The following SIK3 variants were observed in gnomAD, a reference collection of about 807,000 sequenced individuals.
The protein encoded by SIK3 is serine/threonine-protein kinase SIK3.
A neutral mutation model predicts 144.2 loss-of-function variants in SIK3; 28 were observed. The observed-to-expected ratio is 0.19, with a 90% CI of 0.14 to 0.27. The LOEUF (loss-of-function observed/expected upper bound fraction) is 0.27. Among genes scored for constraint, SIK3 ranks in the 10% least tolerant of loss-of-function variants. The pLI, the probability that SIK3 is intolerant of heterozygous loss-of-function variation, is 1.00. For missense variants in SIK3, 1,319 were observed against 1,776.0 expected (o/e 0.74, Z 4.62); for synonymous variants, 686 against 676.3 (o/e 1.01, Z -0.22).
At chr11:117,078,664 A>G (rs1954657549) in intron 1 of SIK3, among the ~76,000 whole-genome samples, 1 of 152,138 alleles carries the variant, frequency 6.6e-6, no homozygotes, top group African/African-American at 2.4e-5. Flanking sequence ...TGGCCTCCCA[A>G]AGTGCTGGGA....
In SIK3 at chr11:117,023,624, ATAT is replaced by A. The variant is rs1565568324; in HGVS notation, c.274-66563_274-66561del. Reference sequence around the variant, plus strand: ...AACAAACAAACAAAAAAAAAAAAATATATATATATATATATATATATTGCACAC... The same window carrying A: ...AACAAACAAACAAAAAAAAAAAAATAATATATATATATATATATTGCACAC... On this transcript the variant is annotated intron_variant, in intron 1 of 24. Transcript: ENST00000445177. 2.7e-3 allele frequency among the ~76,000 whole-genome samples: 269 copies of A among 99,886 alleles called. 6 individuals carry two copies. The highest frequency in any genetic ancestry group is 0.012 in the African/African-American group (256 of 21,148). The allele number at this position is 99,886 out of a possible 152,430, so 65.5% of individuals were successfully genotyped here. A position where few individuals can be genotyped will look rare whatever the true frequency, so the allele number is the denominator to read the frequency against.
intron 17 of SIK3, 104 bp downstream of exon 17, chr11:116,862,098 C>T: frequency 6.5e-7 from 1 of 1,538,580 alleles, no homozygotes; most frequent in African/African-American, 1.4e-5. Context: ...ATAAACAGAC[C>T]TCAAATCCAC....
intron 1 of SIK3, among the ~76,000 whole-genome samples, chr11:117,010,856 A>C (rs1476483709): frequency 6.6e-6 from 1 of 152,238 alleles, no homozygotes; most frequent in Non-Finnish European, 1.5e-5. Flanking sequence ...ACGGTGGCTC[A>C]TACCTGTAAT....
At chr11:117,037,532 C>T (rs1310197014) in intron 1 of SIK3, among the ~76,000 whole-genome samples, 1 of 152,108 alleles carries the variant, frequency 6.6e-6, no homozygotes, top group East Asian at 1.9e-4. Flanking sequence ...TTCACTAAGG[C>T]TGAGAAGCAA....
chr11:116,912,832 T>C lies in SIK3; in HGVS notation c.616+14387A>G, dbSNP rs558390831. Among the ~76,000 whole-genome samples the C allele has an allele frequency of 1.9e-4, 29 of 152,304 alleles. 1 individual carries two copies. In the South Asian group the frequency reaches 5.0e-3, roughly 26 times the overall value. ...CAGAAATAATTAGGTCCTTGATTAA[T>C]TTCCAATTATTAGAAATTTCTAATA... On this transcript the variant is annotated intron_variant, in intron 4 of 24. Coordinates refer to ENST00000445177, the MANE Select transcript of SIK3 (RefSeq NM_001366686.3).
At chr11:117,008,164 T>C (rs1951123879) in intron 1 of SIK3, among the ~76,000 whole-genome samples, 1 of 134,994 alleles carries the variant, frequency 7.4e-6, no homozygotes, top group Non-Finnish European at 1.6e-5. Context: ...AAATTAACCA[T>C]AAAATTTGGG....
At chr11:117,020,087 AC>A (rs1429292579) in intron 1 of SIK3, among the ~76,000 whole-genome samples, 2 of 151,696 alleles carry the variant, frequency 1.3e-5, no homozygotes, top group Non-Finnish European at 2.9e-5. Flanking sequence ...AACCTTCCAA[AC>A]CCGGGGTTTG....
chr11:116,908,372 G>A (rs1037952777), intron 4 of SIK3, among the ~76,000 whole-genome samples: 4 of 152,084 alleles, frequency 2.6e-5, no homozygotes, highest in African/African-American at 9.7e-5. Context: ...CCAGCTACTC[G>A]AGAGGCTGAG....
chr11:116,862,600 T>C (rs2080586), intron 16 of SIK3, among the ~76,000 whole-genome samples: 27,518 of 152,224 alleles, frequency 0.18, 3,364 homozygotes, highest in African/African-American at 0.35. Context: ...CACACGCCAT[T>C]GGAAGCTTGG....
chr11:117,092,875 G>C (rs1955309718), intron 1 of SIK3, among the ~76,000 whole-genome samples: 1 of 152,174 alleles, frequency 6.6e-6, no homozygotes, highest in Non-Finnish European at 1.5e-5. Flanking sequence ...GAAATAACTA[G>C]TCTGGGCACC....
chr11:116,900,515 G>T (rs1292015577), intron 4 of SIK3, among the ~76,000 whole-genome samples: 1 of 152,138 alleles, frequency 6.6e-6, no homozygotes, highest in Non-Finnish European at 1.5e-5. Context: ...ACTTACAGAA[G>T]AGTCTTCATC....
intron 6 of SIK3, among the ~76,000 whole-genome samples, chr11:116,887,500 C>T (rs113213242): frequency 0.086 from 13,107 of 151,650 alleles, 1,107 homozygotes; most frequent in African/African-American, 0.22. Flanking sequence ...ACCTGTAGTC[C>T]CAGCCACCCA....
At chr11:116,856,586 T>C (rs1390472316) in intron 21 of SIK3, among the ~76,000 whole-genome samples, 2 of 152,206 alleles carry the variant, frequency 1.3e-5, no homozygotes, top group Non-Finnish European at 2.9e-5. Flanking sequence ...CTCCTATGTC[T>C]ACTAAGAATA....
At chr11:117,094,924 G>A (rs1955406294) in intron 1 of SIK3, among the ~76,000 whole-genome samples, 1 of 152,126 alleles carries the variant, frequency 6.6e-6, no homozygotes. Context: ...CTGTTCTGCA[G>A]TGCCGCTCTA....
intron 1 of SIK3, chr11:117,016,082 T>C (rs1308343553): frequency 3.3e-5 from 5 of 151,848 alleles, no homozygotes; most frequent in Non-Finnish European, 7.4e-5. Flanking sequence ...TCCCAACACT[T>C]TGGGAGGCCA....
At chr11:116,929,467 G>C (rs998065572) in intron 3 of SIK3, among the ~76,000 whole-genome samples, 2 of 152,148 alleles carry the variant, frequency 1.3e-5, no homozygotes, top group African/African-American at 4.8e-5. Context: ...TCCAAAATAA[G>C]TGATTTCTTT....
intron 1 of SIK3, among the ~76,000 whole-genome samples, chr11:117,077,730 C>A (rs1318021870): frequency 1.3e-5 from 2 of 152,018 alleles, no homozygotes; most frequent in African/African-American, 4.8e-5. Flanking sequence ...AATTGTAATA[C>A]AACTAAAAGA....
chr11:117,094,326 T>C (rs1386562846), intron 1 of SIK3, among the ~76,000 whole-genome samples: 1 of 152,194 alleles, frequency 6.6e-6, no homozygotes, highest in African/African-American at 2.4e-5. Flanking sequence ...GGCCAAGCAT[T>C]TGGGTTACAG....
At chr11:117,001,707 C>T (rs1950857926) in intron 1 of SIK3, among the ~76,000 whole-genome samples, 1 of 152,036 alleles carries the variant, frequency 6.6e-6, no homozygotes, top group Non-Finnish European at 1.5e-5. Context: ...TCTCCCACCT[C>T]GGCCTCCCAA....
Sources: gnomAD v4.1 joint callset for allele counts (sites outside exome capture counted in the v4.1 genomes callset) on GRCh38, gnomAD v4.1.1 for gene constraint, MANE v1.5 for transcripts, NCBI Gene and HGNC (gene_info 2026-07-23, HGNC 2026-07-21) for gene names.